The following UBAP2L variants were observed in gnomAD, a reference collection of about 807,000 sequenced individuals.
The protein encoded by UBAP2L is ubiquitin associated protein 2 like.
UBAP2L carries 12 observed loss-of-function variants against 130.6 expected under a neutral mutation model. The observed-to-expected ratio is 0.09, with a 90% CI of 0.06 to 0.15. The LOEUF (loss-of-function observed/expected upper bound fraction) is 0.15. Among genes scored for constraint, UBAP2L ranks in the 10% least tolerant of loss-of-function variants. The pLI, the probability that UBAP2L is intolerant of heterozygous loss-of-function variation, is 1.00. For missense variants in UBAP2L, 965 were observed against 1,332.5 expected, an observed-to-expected ratio of 0.72 and a Z score of 4.29; for synonymous variants, 503 against 524.7, an observed-to-expected ratio of 0.96 and a Z score of 0.57.
At chr1:154,255,481 G>A (rs370166541) in intron 17 of UBAP2L, among the ~76,000 whole-genome samples, 155 bp downstream of exon 17, 122 of 152,302 alleles carry the variant, frequency 8.0e-4, no homozygotes, top group African/African-American at 2.7e-3. Context: ...GACAGAGGAG[G>A]CTTGTTTTAA....
intron 10 of UBAP2L, 149 bp from the exon 11 acceptor site, chr1:154,246,055 A>G: frequency 1.5e-6 from 1 of 679,300 alleles, no homozygotes; most frequent in East Asian, 2.9e-5. Context: ...TTATTTTGGG[A>G]CATTTAAGCA....
At chr1:154,220,565 G>T, upstream of UBAP2L, 1 of 706,998 alleles carries the variant, frequency 1.4e-6, no homozygotes, top group Non-Finnish European at 2.4e-6. Context: ...AAACATGGCG[G>T]ACAGGCAGGA....
upstream of UBAP2L, chr1:154,220,715 G>C (rs1331973860): frequency 9.5e-6 from 4 of 421,574 alleles, no homozygotes; most frequent in East Asian, 9.2e-5. Flanking sequence ...GCGTCACGTG[G>C]TGGAGGCAGG....
At chr1:154,227,465 G>C in intron 3 of UBAP2L, 106 bp downstream of exon 3, 1 of 1,007,392 alleles carries the variant, frequency 9.9e-7, no homozygotes, top group Non-Finnish European at 1.5e-6. Flanking sequence ...TATAGGTATT[G>C]AAAGAATTTT....
Position 154,260,032 on chromosome 1 carries a change from A to G in UBAP2L, c.2578+3A>G, listed in dbSNP as rs1388078018. On this transcript the variant is annotated splice_donor_region_variant and intron_variant, in intron 22 of 26. Transcript: ENST00000428931. The stretch of plus-strand genomic sequence containing the variant: ...CCTGGCCAGCAACCCTTATTCTGGT[A>G]GGATTGGGATGGGACTAAATAAATA... 6.2e-7 allele frequency: 1 copy of G among 1,613,842 alleles called. No individual in the cohort carries two copies. Among genetic ancestry groups the G allele is most frequent in the Non-Finnish European group, 8.5e-7 (1 of 1,179,832 alleles).
intron 8 of UBAP2L, among the ~76,000 whole-genome samples, chr1:154,239,804 T>C (rs371950356): frequency 8.4e-4 from 128 of 152,312 alleles, no homozygotes; most frequent in African/African-American, 2.9e-3. Flanking sequence ...CAGGATAAGA[T>C]GGATGTCAAT....
At chr1:154,267,758 G>C (rs1459495324) in intron 25 of UBAP2L, among the ~76,000 whole-genome samples, 1 of 151,552 alleles carries the variant, frequency 6.6e-6, no homozygotes, top group African/African-American at 2.4e-5. Flanking sequence ...CCTCCCAAAA[G>C]TGCTGGGATT....
chr1:154,266,462 A>T, intron 24 of UBAP2L, 39 bp from the exon 25 acceptor site: 1 of 1,600,276 alleles, frequency 6.2e-7, no homozygotes, highest in Non-Finnish European at 8.6e-7. Context: ...CCAGGTAGCT[A>T]GCTGAGCTAA....
rs536122062 is a variant in UBAP2L, at chr1:154,247,971, T to A, written c.1015-1268T>A. ...TAATTGTTTTTATTTTTTATTTATTTTTTATTTTTTTTTGAGACAGAGTTT... is the reference window on the plus strand; with the variant it reads ...TAATTGTTTTTATTTTTTATTTATTATTTATTTTTTTTTGAGACAGAGTTT... On this transcript the variant is annotated intron_variant, in intron 11 of 26. Coordinates refer to ENST00000428931, the MANE Select transcript of UBAP2L (RefSeq NM_014847.4). 6.1e-4 allele frequency among the ~76,000 whole-genome samples: 91 copies of A among 148,156 alleles called. No homozygotes were observed. In the East Asian group the frequency reaches 0.016, roughly 26 times the overall value.
At chr1:154,260,756 A>G in intron 22 of UBAP2L, 136 bp from the exon 23 acceptor site, 1 of 844,686 alleles carries the variant, frequency 1.2e-6, no homozygotes, top group Non-Finnish European at 1.9e-6. Flanking sequence ...TGGAGCCACT[A>G]AGAAATGTAA....
Position 154,250,719 on chromosome 1 carries a change from T to C in UBAP2L, c.1214-322T>C, listed in dbSNP as rs188645764. Among the ~76,000 whole-genome samples the C allele has an allele frequency of 2.0e-5, 3 of 151,940 alleles. No homozygotes were observed. In the East Asian group the frequency reaches 5.8e-4, roughly 29 times the overall value. ...AAACACAAAAATTAGCCAGGCATGG[T>C]GGCGCGCGCCTGTAGTCCCAGCTAC... On this transcript the variant is annotated intron_variant, in intron 12 of 26. Transcript: ENST00000428931.
chr1:154,243,157 G>A (rs949191916), intron 9 of UBAP2L, 60 bp from the exon 10 acceptor site: 69 of 1,449,294 alleles, frequency 4.8e-5, no homozygotes, highest in Non-Finnish European at 6.3e-5. Context: ...CCTTACCTAT[G>A]CCAAGTTTCT....
At chr1:154,230,286 C>T (rs368545597) in intron 4 of UBAP2L, among the ~76,000 whole-genome samples, 3 of 152,192 alleles carry the variant, frequency 2.0e-5, no homozygotes, top group Non-Finnish European at 4.4e-5. Flanking sequence ...GGATTACAGG[C>T]GTGAGCCATG....
At chr1:154,236,502 C>A in intron 6 of UBAP2L, 64 bp from the exon 7 acceptor site, 1 of 1,577,632 alleles carries the variant, frequency 6.3e-7, no homozygotes, top group East Asian at 2.2e-5. Context: ...GCCTGCCTGG[C>A]AAGGAAGTTT....
In UBAP2L at chr1:154,228,599, G is replaced by GT. The variant is rs1418985698; in HGVS notation, c.169-10dup. ...CATAAGCCTGTTCATGATGGTTGCT[G>GT]TTTTTTCTCTTTCAGTTGATTGATA... On this transcript the variant is annotated splice_polypyrimidine_tract_variant and intron_variant, in intron 3 of 26. Coordinates refer to ENST00000428931, the MANE Select transcript of UBAP2L (RefSeq NM_014847.4). 1.2e-6 allele frequency: 2 copies of GT among 1,603,196 alleles called. No homozygotes were observed. Among genetic ancestry groups the GT allele is most frequent in the Non-Finnish European group, 1.7e-6 (2 of 1,170,754 alleles).
intron 14 of UBAP2L, among the ~76,000 whole-genome samples, chr1:154,253,663 C>T (rs751199316): frequency 1.3e-5 from 2 of 152,154 alleles, no homozygotes; most frequent in African/African-American, 2.4e-5. Context: ...TGAGCCACTG[C>T]GCCCGGCCTA....
chr1:154,233,723 T>A (rs1460348477), intron 4 of UBAP2L, among the ~76,000 whole-genome samples: 2 of 150,900 alleles, frequency 1.3e-5, no homozygotes, highest in Non-Finnish European at 2.9e-5. Flanking sequence ...AATTTATGGG[T>A]GAGATTAGAG....
At position 154,257,424 on chromosome 1, in the gene UBAP2L, A is replaced by G; in HGVS notation, c.2432A>G (p.His811Arg). The G allele has an allele frequency of 6.2e-7, 1 of 1,612,678 alleles. No homozygotes were observed. The highest frequency in any genetic ancestry group is 8.5e-7 in the Non-Finnish European group (1 of 1,180,032). ...NPYIMAPGLL[H>R]AYPPQVYGYD... ...TATATTATGGCTCCAGGGCTGTTAC[A>G]TGCCTACCCGGTAAGTGGGACTAAA... Residue 811 changes from histidine (H) to arginine (R), a missense_variant, in exon 20 of 27, where the codon CAT becomes CGT. His to Arg is a conservative substitution (Grantham distance 29). Coordinates refer to ENST00000428931, the MANE Select transcript of UBAP2L (RefSeq NM_014847.4).
At chr1:154,263,240 C>A in intron 24 of UBAP2L, 2 of 1,542,584 alleles carry the variant, frequency 1.3e-6, no homozygotes, top group Non-Finnish European at 1.7e-6. Context: ...CTGAGGAGAG[C>A]CTGCTGAGCT....
Sources: allele counts gnomAD v4.1 joint callset (sites outside exome capture counted in the v4.1 genomes callset), GRCh38; gene constraint gnomAD v4.1.1; transcripts MANE v1.5; gene names NCBI Gene and HGNC (gene_info 2026-07-23, HGNC 2026-07-21).